Variants in CHST12 observed in about 807,000 individuals in gnomAD.
CHST12 encodes the protein carbohydrate sulfotransferase 12.
CHST12 carries 23 observed loss-of-function variants against 27.9 expected under a neutral mutation model. The observed-to-expected ratio is 0.82, with a 90% CI of 0.59 to 1.17. The LOEUF is 1.17. CHST12 is among the 50% of genes most tolerant of loss of function. The probability of loss-of-function intolerance (pLI) is 0.00; values close to 1 mark genes in which losing one functional copy is unlikely to be tolerated. For synonymous variants in CHST12, 322 were observed against 273.0 expected, an observed-to-expected ratio of 1.18 and a Z score of -1.77; for missense variants, 682 against 603.0, an observed-to-expected ratio of 1.13 and a Z score of -1.37.
intron 1 of CHST12, among the ~76,000 whole-genome samples, chr7:2,421,832 C>T (rs978192621): frequency 6.6e-6 from 1 of 152,138 alleles, no homozygotes; most frequent in Admixed American, 6.5e-5. Flanking sequence ...TCCCAAAGTG[C>T]TGGGATTACA....
At chr7:2,429,450 C>A (rs1249813693) in intron 1 of CHST12, among the ~76,000 whole-genome samples, 2 of 152,122 alleles carry the variant, frequency 1.3e-5, no homozygotes, top group African/African-American at 4.8e-5. Flanking sequence ...CTTCTCCTTT[C>A]TGTAAGAGAT....
Position 2,433,880 on chromosome 7 carries a change from A to C in CHST12, c.1241A>C (p.Asp414Ala). The C allele has an allele frequency of 1.3e-6, 2 of 1,562,440 alleles. No individual in the cohort carries two copies. The highest frequency in any genetic ancestry group is 1.7e-6 in the Non-Finnish European group (2 of 1,150,994). The change falls in exon 2 of 2, where the codon GAC becomes GCC. Residue 414 changes from aspartate to alanine, a missense_variant. Coordinates refer to ENST00000618655, the MANE Select transcript of CHST12 (RefSeq NM_018641.5). The surrounding 1 kb of genome is among the most constrained non-coding windows in gnomAD (Gnocchi z 6.1). ...GYPKPENLLR[D>A] ...CCCAAGCCCGAAAACCTCCTCCGAG[A>C]CTGAAAGCTTTCGCGTTGCTTTTTC... is the stretch of plus-strand genomic sequence containing the variant.
intron 1 of CHST12, among the ~76,000 whole-genome samples, chr7:2,409,737 C>G (rs1217614023): frequency 1.3e-5 from 2 of 152,142 alleles, no homozygotes; most frequent in Non-Finnish European, 2.9e-5. Context: ...TTCACTCTTT[C>G]ATGGATATGT....
At chr7:2,407,035 T>G (rs777492659) in intron 1 of CHST12, among the ~76,000 whole-genome samples, 13 of 148,916 alleles carry the variant, frequency 8.7e-5, no homozygotes, top group Non-Finnish European at 1.3e-4. Flanking sequence ...AACTCTCGGA[T>G]GTAAAAAAAA....
intron 1 of CHST12, among the ~76,000 whole-genome samples, chr7:2,413,646 C>T (rs892079318): frequency 3.3e-5 from 5 of 150,672 alleles, no homozygotes; most frequent in Admixed American, 6.6e-5. Context: ...CGACCTGTGG[C>T]GTTCACCCAT....
rs1782509017 is a variant in CHST12 at position 2,437,762 on chromosome 7, TCACA to T, written c.*3885_*3888del. 7.0e-6 allele frequency: 1 copy of T among 143,848 alleles called. No homozygotes were observed. The highest frequency in any genetic ancestry group is 7.0e-5 in the Admixed American group (1 of 14,304). 8.9% of individuals were successfully genotyped at this position (143,848 alleles called of 1,614,324 possible). A position where few individuals can be genotyped will look rare whatever the true frequency, so the allele number is the denominator to read the frequency against. ...CACACACACACACACACACTCTCTC[TCACA>T]CACACATCGGGATATTTTTCTTGTT... On this transcript the variant is annotated 3_prime_UTR_variant, in exon 2 of 2. Coordinates refer to ENST00000618655, the MANE Select transcript of CHST12 (RefSeq NM_018641.5).
rs79743047 is a variant in CHST12, at chr7:2,411,490, C to CTTTTTTTTTTTTTTTTTTTTTTTTTT, written c.-78+7835_-78+7836insTTTTTTTTTTTTTTTTTTTTTTTTTT. ...ATAATTTCTTTGAGTTAACTTAACTCTTTTTTTTTTTTTTTTTTGAGACGG... is the reference window on the plus strand; with the variant it reads ...ATAATTTCTTTGAGTTAACTTAACTCTTTTTTTTTTTTTTTTTTTTTTTTTTTTTTTTTTTTTTTTTTTTGAGACGG... On this transcript the variant is annotated intron_variant, in intron 1 of 1. Coordinates refer to ENST00000618655, the MANE Select transcript of CHST12 (RefSeq NM_018641.5). Among the ~76,000 whole-genome samples the CTTTTTTTTTTTTTTTTTTTTTTTTTT allele has an allele frequency of 3.4e-5, 3 of 87,544 alleles. 1 individual carries two copies. The highest frequency in any genetic ancestry group is 4.0e-5 in the Non-Finnish European group (2 of 49,516). The allele number at this position is 87,544 out of a possible 152,430, so 57.4% of individuals were successfully genotyped here. A position where few individuals can be genotyped will look rare whatever the true frequency, so the allele number is the denominator to read the frequency against.
In CHST12 at chr7:2,444,663, A is replaced by G. The variant is rs79606759; in HGVS notation, c.*10779A>G. 17,030 of 152,276 alleles carry G rather than the reference A, an allele frequency of 0.11. 1,332 individuals are homozygous for G. The highest frequency in any genetic ancestry group is 0.15 in the Non-Finnish European group (10,324 of 68,042). The allele number at this position is 152,276 out of a possible 1,614,324, so 9.4% of individuals were successfully genotyped here. A position where few individuals can be genotyped will look rare whatever the true frequency, so the allele number is the denominator to read the frequency against. Reference sequence around the variant, plus strand: ...CAGGCCAAGACAGAGATTCTGAGGCATGGTTCTGGAATGGGTTTTTCCGCC... The same window carrying G: ...CAGGCCAAGACAGAGATTCTGAGGCGTGGTTCTGGAATGGGTTTTTCCGCC... On this transcript the variant is annotated 3_prime_UTR_variant, in exon 2 of 2. Coordinates refer to ENST00000618655, the MANE Select transcript of CHST12 (RefSeq NM_018641.5).
At chr7:2,429,154 A>G (rs762655071) in intron 1 of CHST12, among the ~76,000 whole-genome samples, 31 of 152,168 alleles carry the variant, frequency 2.0e-4, no homozygotes, top group Non-Finnish European at 3.4e-4. Flanking sequence ...TGACAGTCCA[A>G]CCTGGCATTG....
chr7:2,448,393 T>C lies in CHST12; in HGVS notation c.*14509T>C, dbSNP rs1017625828. On this transcript the variant is annotated 3_prime_UTR_variant, in exon 2 of 2. Transcript: ENST00000618655. ...TGTTAATGGCACCCACCAGTCCTTG[T>C]CCAAACCTCGAAGCTCAGGACCTCA... The C allele has an allele frequency of 6.6e-6, 1 of 152,430 alleles. No homozygotes were observed. Among genetic ancestry groups the C allele is most frequent in the African/African-American group, 2.4e-5 (1 of 41,436 alleles). 9.4% of individuals were successfully genotyped at this position (152,430 alleles called of 1,614,324 possible). A position where few individuals can be genotyped will look rare whatever the true frequency, so the allele number is the denominator to read the frequency against.
intron 1 of CHST12, among the ~76,000 whole-genome samples, chr7:2,416,128 A>G (rs1291750501): frequency 6.6e-6 from 1 of 152,248 alleles, no homozygotes; most frequent in African/African-American, 2.4e-5. Context: ...AGCAGCGTTC[A>G]TAGCATCTTT....
intron 1 of CHST12, among the ~76,000 whole-genome samples, chr7:2,419,676 A>G (rs1781913180): frequency 6.6e-6 from 1 of 151,176 alleles, no homozygotes; most frequent in South Asian, 2.1e-4. Context: ...AACTGCACTC[A>G]AGCCTAGGCA....
At chr7:2,410,735 G>A (rs1314945889) in intron 1 of CHST12, among the ~76,000 whole-genome samples, 1 of 152,108 alleles carries the variant, frequency 6.6e-6, no homozygotes, top group Non-Finnish European at 1.5e-5. Flanking sequence ...GGAGCCTGCT[G>A]GGTGCGGTGG....
chr7:2,417,932 G>A (rs561686288), intron 1 of CHST12, among the ~76,000 whole-genome samples: 1 of 152,378 alleles, frequency 6.6e-6, no homozygotes, highest in Non-Finnish European at 1.5e-5. Context: ...CAGTTCTGCT[G>A]TAACAATGTG....
At chr7:2,412,881 C>T (rs1490864352) in intron 1 of CHST12, among the ~76,000 whole-genome samples, 1 of 149,610 alleles carries the variant, frequency 6.7e-6, no homozygotes, top group Non-Finnish European at 1.5e-5. Flanking sequence ...ATTTTAAAAT[C>T]AATTTGCAAA....
intron 1 of CHST12, among the ~76,000 whole-genome samples, chr7:2,424,972 G>A (rs933071053): frequency 7.2e-5 from 11 of 152,110 alleles, no homozygotes; most frequent in Non-Finnish European, 1.3e-4. Context: ...TTGGGAGGCC[G>A]AGGTGGGCAG....
chr7:2,418,235 A>G (rs1781862323), intron 1 of CHST12, among the ~76,000 whole-genome samples: 1 of 152,254 alleles, frequency 6.6e-6, no homozygotes, highest in Non-Finnish European at 1.5e-5. Flanking sequence ...AATATTTAAC[A>G]GCCCCACCCG....
In CHST12 at chr7:2,403,653, G is replaced by T. The variant is rs1483293655; in HGVS notation, c.-98G>T. The T allele has an allele frequency of 2.0e-5, 3 of 152,300 alleles. No individual in the cohort carries two copies. Among genetic ancestry groups the T allele is most frequent in the South Asian group, 1.8e-4 (1 of 5,614 alleles). 9.4% of individuals were successfully genotyped at this position (152,300 alleles called of 1,614,324 possible). A position where few individuals can be genotyped will look rare whatever the true frequency, so the allele number is the denominator to read the frequency against. ...GGCGGCTGCGGGCGCGAGGTGAGGGGCGCGAGGTGAGGGTCGCGAGGTGAG... is the reference window on the plus strand; with the variant it reads ...GGCGGCTGCGGGCGCGAGGTGAGGGTCGCGAGGTGAGGGTCGCGAGGTGAG... On this transcript the variant is annotated 5_prime_UTR_variant, in exon 1 of 2. Transcript: ENST00000618655.
rs557546220 is a variant in CHST12 at position 2,432,632 on chromosome 7, G to A, written c.-8G>A. The A allele has an allele frequency of 6.9e-6, 11 of 1,601,422 alleles. No homozygotes were observed. In the African/African-American group the frequency reaches 1.1e-4, roughly 16 times the overall value. On this transcript the variant is annotated 5_prime_UTR_variant, in exon 2 of 2. Transcript: ENST00000618655. ...GGCCCGGAGAGGGCCCAGCCCGCCC[G>A]GGGCAGGATGACCAAGGCCCGGCTG...
Sources: gnomAD v4.1 joint callset for allele counts (sites outside exome capture counted in the v4.1 genomes callset) on GRCh38, gnomAD v4.1.1 for gene constraint, Gnocchi (gnomAD v3.1) non-coding constraint, MANE v1.5 for transcripts, NCBI Gene and HGNC (gene_info 2026-07-23, HGNC 2026-07-21) for gene names.